NUP50: variants seen among roughly 807,000 people sequenced by gnomAD.
NUP50 encodes nucleoporin 50, also known as nuclear pore complex protein Nup50.
In NUP50, 14 loss-of-function variants were observed where a neutral mutation model predicts 36.8. The ratio of observed to expected loss-of-function variants is 0.38; its 90% confidence interval spans 0.25 to 0.59. The LOEUF (loss-of-function observed/expected upper bound fraction) is 0.59, where lower values mean the gene tolerates loss of function less well. Among genes scored for constraint, NUP50 ranks in the 20% least tolerant of loss-of-function variants. The pLI, the probability that NUP50 is intolerant of heterozygous loss-of-function variation, is 0.63. For missense variants in NUP50, 455 were observed against 564.6 expected (o/e 0.81, Z 1.97); for synonymous variants, 195 against 210.8 (o/e 0.93, Z 0.65).
chr22:45,179,627 G>A (rs190147500), intron 5 of NUP50, among the ~76,000 whole-genome samples: 6 of 152,354 alleles, frequency 3.9e-5, no homozygotes, highest in Non-Finnish European at 8.8e-5. Context: ...GCCCACACCT[G>A]TAATCCCAGC....
chr22:45,181,512 T>G, intron 6 of NUP50, 145 bp downstream of exon 6: 1 of 154,150 alleles, frequency 6.5e-6, no homozygotes, highest in Non-Finnish European at 1.4e-5. Flanking sequence ...AGGAAAGAAT[T>G]CTTGGCCAGT....
At position 45,178,641 on chromosome 22, in the gene NUP50, CAAG is replaced by C; in HGVS notation, c.749_751del (p.Lys250del). On this transcript the variant is annotated inframe_deletion, in exon 5 of 8. Coordinates refer to ENST00000347635, the MANE Select transcript of NUP50 (RefSeq NM_007172.4). ...GCAACAAAACTGAAGATACACCTGA[CAAG>C]AAGATGGAGGTGGCATCTGAAAAGA... 1.2e-6 allele frequency: 2 copies of C among 1,611,888 alleles called. No homozygotes were observed. The highest frequency in any genetic ancestry group is 1.1e-5 in the South Asian group (1 of 90,992).
intron 7 of NUP50, 170 bp from the exon 8 acceptor site, chr22:45,184,283 C>G (rs1285726800): frequency 1.5e-6 from 1 of 646,446 alleles, no homozygotes; most frequent in Non-Finnish European, 2.7e-6. Context: ...CAAGTGCTCC[C>G]CGAGGCCTCC....
intron 3 of NUP50, among the ~76,000 whole-genome samples, chr22:45,174,683 A>G (rs1569048715): frequency 6.6e-6 from 1 of 152,128 alleles, no homozygotes; most frequent in Admixed American, 6.5e-5. Flanking sequence ...TCCATGAATC[A>G]TTGTTTTAAA....
Position 45,176,058 on chromosome 22 carries a change from G to A in NUP50, c.318G>A (p.Ala106=), listed in dbSNP as rs143512714. 1.1e-4 allele frequency: 170 copies of A among 1,613,998 alleles called. 1 individual carries two copies. The African/African-American group carries it at 2.0e-3, about 19-fold the overall frequency. Residue 106 remains alanine, a synonymous_variant, in exon 4 of 8, where the codon GCG becomes GCA. Coordinates refer to ENST00000347635, the MANE Select transcript of NUP50 (RefSeq NM_007172.4). ...SAPPFASAKA[A]ADPKVAFGSL... is the part of the protein sequence containing the mutation. ...CTCCCTTCGCCAGTGCAAAGGCAGC[G>A]GCAGATCCCAAGGTAGCCTTTGGTA...
At chr22:45,168,897 A>AT (rs1473721843) in intron 2 of NUP50, among the ~76,000 whole-genome samples, 5 of 113,558 alleles carry the variant, frequency 4.4e-5, no homozygotes, top group Admixed American at 3.1e-4. Flanking sequence ...CTATAAAAAA[A>AT]ATTTTTTTTT....
At position 45,186,706 on chromosome 22, in the gene NUP50, A is replaced by G. The variant is rs1265317519; in HGVS notation, c.*2051A>G. The G allele has an allele frequency of 6.6e-6, 1 of 152,662 alleles. No homozygotes were observed. The highest frequency in any genetic ancestry group is 1.5e-5 in the Non-Finnish European group (1 of 68,038). 9.5% of individuals were successfully genotyped at this position (152,662 alleles called of 1,614,324 possible). On this transcript the variant is annotated 3_prime_UTR_variant, in exon 8 of 8. Coordinates refer to ENST00000347635, the MANE Select transcript of NUP50 (RefSeq NM_007172.4). ...TTCCTTTTTTCCTAACATTCCCAGC[A>G]AATTTTTGCTGCTAAGACTATCACT...
intron 6 of NUP50, among the ~76,000 whole-genome samples, chr22:45,182,773 C>T (rs1216213906): frequency 1.3e-4 from 19 of 151,390 alleles, no homozygotes; most frequent in Non-Finnish European, 2.4e-4. Context: ...TACAGGTGCC[C>T]GCCACCACGC....
rs1209057684 is a variant in NUP50, at chr22:45,178,499, A to G, written c.602A>G (p.His201Arg). 6.2e-6 allele frequency: 10 copies of G among 1,612,146 alleles called. No individual in the cohort carries two copies. Among genetic ancestry groups the G allele is most frequent in the Non-Finnish European group, 8.5e-6 (10 of 1,179,868 alleles). The part of the protein sequence containing the change: ...EKYLANIEQQ[H>R]GNSGRNSESE... ...TATTTAGCAAACATTGAACAGCAACACGGGAACAGTGGCAGGAATTCTGAA... is the reference window on the plus strand; with the variant it reads ...TATTTAGCAAACATTGAACAGCAACGCGGGAACAGTGGCAGGAATTCTGAA... The change falls in exon 5 of 8, where the codon CAC becomes CGC. Residue 201 changes from histidine (H) to arginine (R), a missense_variant. Around this residue, in one of 3 missense-constraint regions of NUP50, gnomAD observed 287 missense variants for 345.5 expected, o/e 0.83. Transcript: ENST00000347635.
chr22:45,172,616 A>AT (rs397797083), intron 3 of NUP50, among the ~76,000 whole-genome samples: 2 of 152,298 alleles, frequency 1.3e-5, no homozygotes, highest in East Asian at 3.9e-4. Flanking sequence ...CCAAAAAAAA[A>AT]GGATAGGAAA....
intron 5 of NUP50, 181 bp downstream of exon 5, chr22:45,179,081 G>A (rs1243128431): frequency 5.4e-6 from 3 of 559,306 alleles, no homozygotes; most frequent in Non-Finnish European, 9.1e-6. Flanking sequence ...TTATAAAAGA[G>A]TAAGACTTTT....
At chr22:45,181,188 G>C in intron 5 of NUP50, 98 bp from the exon 6 acceptor site, 1 of 501,546 alleles carries the variant, frequency 2.0e-6, no homozygotes, top group South Asian at 2.2e-5. Context: ...TACATGGAGT[G>C]CTCCGGTGGA....
chr22:45,177,292 C>T (rs1382487691), intron 4 of NUP50, among the ~76,000 whole-genome samples: 2 of 152,060 alleles, frequency 1.3e-5, no homozygotes, highest in African/African-American at 4.8e-5. Context: ...GTGATCCTCC[C>T]CCATCAGCCT....
chr22:45,169,596 A>G (rs2074152666), intron 2 of NUP50, among the ~76,000 whole-genome samples: 2 of 152,230 alleles, frequency 1.3e-5, no homozygotes, highest in Non-Finnish European at 2.9e-5. Context: ...TTGTTGTACT[A>G]CTAATATAAC....
intron 2 of NUP50, among the ~76,000 whole-genome samples, chr22:45,169,902 G>A (rs2074158208): frequency 6.6e-6 from 1 of 152,176 alleles, no homozygotes; most frequent in African/African-American, 2.4e-5. Flanking sequence ...CCCTCCCTGT[G>A]GTGCTGTGCT....
rs6007489 is a variant in NUP50 at position 45,181,149 on chromosome 22, C to A, written c.1004-137C>A. On this transcript the variant is annotated intron_variant, in intron 5 of 7. Coordinates refer to ENST00000347635, the MANE Select transcript of NUP50 (RefSeq NM_007172.4). ...CCCTTCTGGCATCCCCCCCCCCCCC[C>A]ATTAAGTGTGCATTTTAGTCTGTCA... 384 of 103,128 alleles carry A rather than the reference C, an allele frequency of 3.7e-3. 9 individuals carry two copies. The highest frequency in any genetic ancestry group is 0.016 in the African/African-American group (351 of 21,744). 6.4% of individuals were successfully genotyped at this position (103,128 alleles called of 1,614,324 possible). A position where few individuals can be genotyped will look rare whatever the true frequency, so the allele number is the denominator to read the frequency against.
In NUP50 at chr22:45,168,233, A is replaced by G. The variant is rs77535489; in HGVS notation, c.56A>G (p.Asp19Gly). The G allele has an allele frequency of 3.1e-6, 5 of 1,610,612 alleles. No homozygotes were observed. Among genetic ancestry groups the G allele is most frequent in the African/African-American group, 1.3e-5 (1 of 74,708 alleles). ...ELTDRNWDQE[D>G]EAEEVGTFSM... ...ACAGATAGGAATTGGGATCAAGAAG[A>G]TGAAGCTGAAGAGGTAAAAAGCAGC... The change falls in exon 2 of 8, where the codon GAT (aspartate) becomes GGT (glycine). Residue 19 changes from aspartate to glycine, a missense_variant. This residue lies in a region of NUP50 where 166 missense variants were observed against 202.8 expected (regional missense o/e 0.82). Coordinates refer to ENST00000347635, the MANE Select transcript of NUP50 (RefSeq NM_007172.4).
intron 5 of NUP50, among the ~76,000 whole-genome samples, 168 bp from the exon 6 acceptor site, chr22:45,181,118 G>T (rs1180119974): frequency 1.4e-5 from 2 of 145,862 alleles, no homozygotes; most frequent in Non-Finnish European, 3.0e-5. Context: ...AAATCCTGCA[G>T]GTACTCCCTT....
chr22:45,181,597 A>T (rs529945562), intron 6 of NUP50, among the ~76,000 whole-genome samples: 121 of 144,994 alleles, frequency 8.3e-4, no homozygotes, highest in African/African-American at 2.9e-3. Flanking sequence ...GCTCTTTTAA[A>T]GTGCTTTAGA....
Sources: gnomAD v4.1 joint callset for allele counts (sites outside exome capture counted in the v4.1 genomes callset) on GRCh38, gnomAD v4.1.1 for gene constraint, gnomAD v4.1.1 regional missense constraint, MANE v1.5 for transcripts, NCBI Gene and HGNC (gene_info 2026-07-23, HGNC 2026-07-21) for gene names.